Variants in SLC26A11 observed in about 807,000 individuals in gnomAD.
SLC26A11 encodes the protein solute carrier family 26 member 11.
Under a neutral mutation model 62.2 loss-of-function variants are expected in SLC26A11, and 58 were observed. The ratio of observed to expected loss-of-function variants is 0.93; its 90% CI spans 0.76 to 1.16. The LOEUF (loss-of-function observed/expected upper bound fraction) is 1.16, where lower values mean the gene tolerates loss of function less well. SLC26A11 is among the 50% of genes most tolerant of loss of function. The pLI is 0.00. For synonymous variants in SLC26A11, 411 were observed against 368.9 expected, an observed-to-expected ratio of 1.11 and a Z score of -1.31; for missense variants, 790 against 794.3, an observed-to-expected ratio of 0.99 and a Z score of 0.06.
intron 16 of SLC26A11, among the ~76,000 whole-genome samples, chr17:80,250,750 C>G (rs775548557): frequency 5.3e-5 from 8 of 152,132 alleles, no homozygotes; most frequent in Admixed American, 2.6e-4. Flanking sequence ...TCGCTTGAAC[C>G]CGGGAGGCAG....
intron 10 of SLC26A11, 137 bp from the exon 11 acceptor site, chr17:80,245,053 TGCGTAG>T: frequency 1.6e-6 from 1 of 637,870 alleles, no homozygotes; most frequent in Non-Finnish European, 2.8e-6. Context: ...CCTGAAGGAG[TGCGTAG>T]GCCCAGGCCC....
In SLC26A11 at chr17:80,236,886, G is replaced by A. The variant is rs370937236; in HGVS notation, c.737-42G>A. 43 of 1,576,800 alleles carry A rather than the reference G, an allele frequency of 2.7e-5. 1 individual carries two copies. Among genetic ancestry groups the A allele is most frequent in the Non-Finnish European group, 3.6e-5 (41 of 1,153,268 alleles). ...GAGGCAGCCGCGCTACCCCACACTC[G>A]CCGGGAGCAGGGTCTCGGACGCACC... On this transcript the variant is annotated intron_variant, in intron 7 of 17. Coordinates refer to ENST00000361193, the MANE Select transcript of SLC26A11 (RefSeq NM_001166347.2).
intron 7 of SLC26A11, among the ~76,000 whole-genome samples, chr17:80,236,225 C>T (rs1418004479): frequency 2.0e-5 from 3 of 152,200 alleles, no homozygotes; most frequent in African/African-American, 7.2e-5. Flanking sequence ...CATTTTCGCC[C>T]AGCTTTGCCT....
chr17:80,245,476 G>T, intron 11 of SLC26A11: 1 of 559,862 alleles, frequency 1.8e-6, no homozygotes. Flanking sequence ...GTTCCACTGG[G>T]CATTGTGGTA....
intron 7 of SLC26A11, among the ~76,000 whole-genome samples, chr17:80,232,092 T>C (rs2144907670): frequency 6.6e-6 from 1 of 152,336 alleles, no homozygotes; most frequent in East Asian, 1.9e-4. Flanking sequence ...TATTGTTTCA[T>C]ATATTTTGAA....
rs1010668093 is a variant in SLC26A11 at position 80,225,761 on chromosome 17, G to A, written c.514-76G>A. 5 of 1,281,494 alleles carry A rather than the reference G, an allele frequency of 3.9e-6. No individual in the cohort carries two copies. In the Admixed American group the frequency reaches 6.8e-5, roughly 17 times the overall value. 79.4% of individuals were successfully genotyped at this position (1,281,494 alleles called of 1,614,324 possible). ...GGGACACTGTCTCAGCCCTAGGGGA[G>A]GTGGGCGGGGAGCTGGGGACAGATG... On this transcript the variant is annotated intron_variant, in intron 5 of 17. Transcript: ENST00000361193.
In SLC26A11 at chr17:80,223,170, C is replaced by G; in HGVS notation, c.428-82C>G. ...TGCTCCCCAATCCCACCCATTGCCACCTTCCCCAGCTCACATCTCCCCTCA... is the reference window on the plus strand; with the variant it reads ...TGCTCCCCAATCCCACCCATTGCCAGCTTCCCCAGCTCACATCTCCCCTCA... On this transcript the variant is annotated intron_variant, in intron 4 of 17. Transcript: ENST00000361193. The surrounding 1 kb of genome is among the most constrained non-coding windows in gnomAD (Gnocchi z 4.6). 1 of 1,331,132 alleles carries G rather than the reference C, an allele frequency of 7.5e-7. No individual in the cohort carries two copies. Among genetic ancestry groups the G allele is most frequent in the African/African-American group, 1.5e-5 (1 of 68,904 alleles). 82.5% of individuals were successfully genotyped at this position (1,331,132 alleles called of 1,614,324 possible).
At chr17:80,247,225 G>T (rs2043026352) in intron 13 of SLC26A11, among the ~76,000 whole-genome samples, 1 of 152,052 alleles carries the variant, frequency 6.6e-6, no homozygotes, top group African/African-American at 2.4e-5. Flanking sequence ...AAAATGAAAA[G>T]TCTCCCATGT....
chr17:80,241,731 G>T, intron 9 of SLC26A11, 40 bp from the exon 10 acceptor site: 1 of 1,602,376 alleles, frequency 6.2e-7, no homozygotes, highest in African/African-American at 1.3e-5. Flanking sequence ...GAGCGATGTT[G>T]AATATTACTG....
intron 17 of SLC26A11, among the ~76,000 whole-genome samples, 168 bp downstream of exon 17, chr17:80,251,569 C>T (rs1567971526): frequency 6.6e-6 from 1 of 152,092 alleles, no homozygotes; most frequent in Non-Finnish European, 1.5e-5. Flanking sequence ...TCGAGACCAG[C>T]CTGGCCAACA....
intron 16 of SLC26A11, among the ~76,000 whole-genome samples, chr17:80,250,326 A>G (rs1482655505): frequency 2.0e-5 from 3 of 152,050 alleles, no homozygotes; most frequent in African/African-American, 7.2e-5. Context: ...TTCATTCCCA[A>G]CCTGGCCCAC....
chr17:80,229,006 A>T (rs2042490552), intron 7 of SLC26A11, among the ~76,000 whole-genome samples: 1 of 152,198 alleles, frequency 6.6e-6, no homozygotes, highest in South Asian at 2.1e-4. Flanking sequence ...CCGGGCAGGG[A>T]TGCCCAGAGA....
chr17:80,226,377 C>A (rs9891253), intron 6 of SLC26A11, among the ~76,000 whole-genome samples: 94,064 of 151,730 alleles, frequency 0.62, 30,228 homozygotes, highest in East Asian at 0.97. Context: ...AGAGATGAGG[C>A]GACCCAAGCA....
At position 80,227,974 on chromosome 17, in the gene SLC26A11, G is replaced by C; in HGVS notation, c.736+14G>C. The C allele has an allele frequency of 6.3e-7, 1 of 1,598,018 alleles. No individual in the cohort carries two copies. The highest frequency in any genetic ancestry group is 8.5e-7 in the Non-Finnish European group (1 of 1,178,570). On this transcript the variant is annotated intron_variant, in intron 7 of 17. Transcript: ENST00000361193. ...CTGCCACGACAGGTGAGGGGCCTCTGGCTGACATCTTATGCAACCTTGGCT... is the reference window on the plus strand; with the variant it reads ...CTGCCACGACAGGTGAGGGGCCTCTCGCTGACATCTTATGCAACCTTGGCT...
At chr17:80,233,543 T>C (rs2042613557) in intron 7 of SLC26A11, among the ~76,000 whole-genome samples, 1 of 151,952 alleles carries the variant, frequency 6.6e-6, no homozygotes, top group African/African-American at 2.4e-5. Context: ...GATGTTATTT[T>C]TTCTTCTGTT....
chr17:80,237,499 A>T (rs958451861), intron 8 of SLC26A11, 23 bp from the exon 9 acceptor site: 1 of 1,599,172 alleles, frequency 6.3e-7, no homozygotes, highest in African/African-American at 1.3e-5. Flanking sequence ...AAGGTCACTC[A>T]CCATCCCTCT....
At position 80,222,553 on chromosome 17, in the gene SLC26A11, GAC is replaced by G; in HGVS notation, c.235-98_235-97del. 1 of 1,261,878 alleles carries G rather than the reference GAC, an allele frequency of 7.9e-7. No individual in the cohort carries two copies. Among genetic ancestry groups the G allele is most frequent in the Non-Finnish European group, 1.1e-6 (1 of 888,126 alleles). The allele number at this position is 1,261,878 out of a possible 1,614,324, so 78.2% of individuals were successfully genotyped here. A position where few individuals can be genotyped will look rare whatever the true frequency, so the allele number is the denominator to read the frequency against. Reference sequence around the variant, plus strand: ...GCGGTGCACCTTTAACCTGGGCCTGGACACAGCTGACACCCACACATCCCGAG... The same window carrying G: ...GCGGTGCACCTTTAACCTGGGCCTGGACAGCTGACACCCACACATCCCGAG... On this transcript the variant is annotated intron_variant, in intron 3 of 17. Transcript: ENST00000361193. This position sits in a 1 kb window ranked among gnomAD's most constrained non-coding sequence, Gnocchi z 4.7.
rs1366044421 is a variant in SLC26A11 at position 80,238,820 on chromosome 17, G to GTTTTTTTTTTTTTT, written c.985+1232_985+1233insTTTTTTTTTTTTTT. Among the ~76,000 whole-genome samples the GTTTTTTTTTTTTTT allele has an allele frequency of 1.8e-4, 16 of 87,390 alleles. 1 individual carries two copies. The highest frequency in any genetic ancestry group is 5.2e-4 in the African/African-American group (12 of 23,044). 57.3% of individuals were successfully genotyped at this position (87,390 alleles called of 152,430 possible). A position where few individuals can be genotyped will look rare whatever the true frequency, so the allele number is the denominator to read the frequency against. On this transcript the variant is annotated intron_variant, in intron 9 of 17. Transcript: ENST00000361193. ...TACCCCCTTCAAAGGAGTTTTTTTT[G>GTTTTTTTTTTTTTT]TTTTTTGTTTTTTTTTTTTTTTGGA...
Position 80,221,571 on chromosome 17 carries a change from C to A in SLC26A11, c.11C>A (p.Ser4Ter), listed in dbSNP as rs1196576552. 1.1e-5 allele frequency: 18 copies of A among 1,594,772 alleles called. No homozygotes were observed. The South Asian group carries it at 1.4e-4, about 13-fold the overall frequency. MPS[S>*]VTALGQARSS... is the part of the protein sequence containing the mutation. ...AGCCCCACCGTAGAGATGCCTTCTTCGGTGACGGCGCTGGGTCAGGCCAGG... is the reference window on the plus strand; with the variant it reads ...AGCCCCACCGTAGAGATGCCTTCTTAGGTGACGGCGCTGGGTCAGGCCAGG... The change falls in exon 3 of 18, where the codon TCG becomes TAG. Residue 4 changes from serine to a stop codon, truncating the protein, a stop_gained. Transcript: ENST00000361193. LOFTEE classifies it high-confidence loss of function.
Sources: allele counts gnomAD v4.1 joint callset (sites outside exome capture counted in the v4.1 genomes callset), GRCh38; gene constraint gnomAD v4.1.1; non-coding constraint Gnocchi (gnomAD v3.1); transcripts MANE v1.5; gene names NCBI Gene and HGNC (gene_info 2026-07-23, HGNC 2026-07-21).